The following ATRX variants were observed in gnomAD, a reference collection of about 807,000 sequenced individuals.
The protein encoded by ATRX is chromatin remodeler ATRX.
ATRX carries 12 observed loss-of-function variants against 172.6 expected under a neutral mutation model. The observed-to-expected ratio is 0.07, with a 90% CI of 0.04 to 0.11. The LOEUF (loss-of-function observed/expected upper bound fraction) is 0.11. Ranked by LOEUF, ATRX falls within the 10% of genes least tolerant of loss-of-function variation. The pLI, the probability that ATRX is intolerant of heterozygous loss-of-function variation, is 1.00. For synonymous variants in ATRX, 674 were observed against 594.7 expected, an observed-to-expected ratio of 1.13 and a Z score of -1.94; for missense variants, 1,368 against 1,767.4, an observed-to-expected ratio of 0.77 and a Z score of 4.05.
chrX:77,683,263 TCAAGGGTGTAGTCTTTACACGTGGGGA>T lies in ATRX; in HGVS notation c.1966_1992del (p.Ser656_Leu664del). ...ACAGGGTTAGTTTCTGTCGGTCGCCTCAAGGGTGTAGTCTTTACACGTGGGGATCTTCGAAGATCAGATTCCTCTAAA... is the reference window on the plus strand; with the variant it reads ...ACAGGGTTAGTTTCTGTCGGTCGCCTTCTTCGAAGATCAGATTCCTCTAAA... On this transcript the variant is annotated inframe_deletion, in exon 9 of 35. Transcript: ENST00000373344. The T allele has an allele frequency of 1.7e-6, 2 of 1,211,238 alleles. No homozygotes were observed. Among genetic ancestry groups the T allele is most frequent in the Non-Finnish European group, 2.2e-6 (2 of 895,094 alleles).
At chrX:77,652,761 C>A in intron 14 of ATRX, among the ~76,000 whole-genome samples, 1 of 104,550 alleles carries the variant, frequency 9.6e-6, no homozygotes, top group East Asian at 3.2e-4. Flanking sequence ...GAGCCGAGAT[C>A]GTGCCATCAG....
chrX:77,611,069 A>G (rs1388321028), intron 22 of ATRX, among the ~76,000 whole-genome samples: 1 of 110,783 alleles, frequency 9.0e-6, no homozygotes, highest in African/African-American at 3.3e-5. Flanking sequence ...GCAAGATATT[A>G]AATATTAAAT....
At chrX:77,614,151 AG>A (rs1406503419) in intron 22 of ATRX, among the ~76,000 whole-genome samples, 1 of 112,192 alleles carries the variant, frequency 8.9e-6, no homozygotes, top group African/African-American at 3.2e-5. Flanking sequence ...AGTCTAAAAA[AG>A]CCTAATGTAG....
chrX:77,699,450 G>C (rs1461927903), intron 2 of ATRX: 3 of 111,571 alleles, frequency 2.7e-5, no homozygotes, highest in Non-Finnish European at 5.6e-5. Context: ...TTAAAAAGAT[G>C]ATCAAAGAGG....
chrX:77,730,557 G>A (rs1208769301), intron 1 of ATRX, among the ~76,000 whole-genome samples: 1 of 111,921 alleles, frequency 8.9e-6, no homozygotes, highest in African/African-American at 3.2e-5. Flanking sequence ...TCAGCCCATG[G>A]ATTATTCTCA....
intron 2 of ATRX, among the ~76,000 whole-genome samples, chrX:77,707,903 G>A (rs979919872): frequency 8.9e-6 from 1 of 112,197 alleles, no homozygotes; most frequent in African/African-American, 3.2e-5. Flanking sequence ...CACTAGAATG[G>A]CTAGAATCAA....
chrX:77,663,899 C>G (rs781907170), intron 11 of ATRX, among the ~76,000 whole-genome samples: 9 of 111,026 alleles, frequency 8.1e-5, no homozygotes, highest in African/African-American at 2.9e-4. Context: ...TTCGGGAGTT[C>G]AAGACCAGCC....
At chrX:77,604,648 CAA>C (rs1557089257) in intron 22 of ATRX, among the ~76,000 whole-genome samples, 1 of 111,032 alleles carries the variant, frequency 9.0e-6, no homozygotes, top group African/African-American at 3.3e-5. Context: ...AGGTATCTAC[CAA>C]AAGAGAAAGA....
At chrX:77,635,755 C>T (rs2068318466) in intron 16 of ATRX, among the ~76,000 whole-genome samples, 160 bp downstream of exon 16, 1 of 111,699 alleles carries the variant, frequency 9.0e-6, no homozygotes, top group Non-Finnish European at 1.9e-5. Context: ...TGTTCTTCCT[C>T]ATTTGTTTAT....
intron 10 of ATRX, chrX:77,675,508 A>C (rs1382637038): frequency 9.0e-6 from 1 of 111,495 alleles, no homozygotes; most frequent in Non-Finnish European, 1.9e-5. Context: ...GTTATGTTGA[A>C]ACATTATAGC....
At chrX:77,758,347 G>A (rs956306305) in intron 1 of ATRX, among the ~76,000 whole-genome samples, 6 of 107,963 alleles carry the variant, frequency 5.6e-5, no homozygotes, top group Admixed American at 1.0e-4. Context: ...CCAAGATGAC[G>A]CCATTGCACT....
In ATRX at chrX:77,663,410, T is replaced by C; in HGVS notation, c.4092A>G (p.Lys1364=). The part of the protein sequence containing the change: ...EEKKTKPKEH[K]EVKGRNRRKV... The stretch of plus-strand genomic sequence containing the variant: ...TTCTTCTGTTTCTGCCTTTGACTTC[T>C]TTATGCTCTTTAGGCTTTGTCTTTT... Residue 1364 remains lysine (K), a synonymous_variant, in exon 12 of 35, where the codon AAA becomes AAG. Transcript: ENST00000373344. The C allele has an allele frequency of 8.3e-7, 1 of 1,211,695 alleles. No homozygotes were observed. The highest frequency in any genetic ancestry group is 1.1e-6 in the Non-Finnish European group (1 of 895,434).
intron 15 of ATRX, among the ~76,000 whole-genome samples, chrX:77,649,476 T>C (rs1328531072): frequency 8.9e-6 from 1 of 112,219 alleles, no homozygotes; most frequent in Non-Finnish European, 1.9e-5. Flanking sequence ...AAAGCTACTA[T>C]AACGAGTAAG....
chrX:77,580,223 TAG>T (rs1557073147), intron 27 of ATRX, among the ~76,000 whole-genome samples: 1 of 110,858 alleles, frequency 9.0e-6, no homozygotes, highest in African/African-American at 3.3e-5. Flanking sequence ...AAACAGGAGG[TAG>T]AGAGAAAGAC....
chrX:77,687,057 G>A (rs782800987), intron 7 of ATRX, among the ~76,000 whole-genome samples: 1 of 105,210 alleles, frequency 9.5e-6, no homozygotes, highest in South Asian at 4.4e-4. Flanking sequence ...GAGAGGCTGA[G>A]GCAGGAGAAT....
rs1263473057 is a variant in ATRX, at chrX:77,506,741, G to C, written c.*1610C>G. The stretch of plus-strand genomic sequence containing the variant: ...GGATCCACCAAACCTCACAAATTCT[G>C]TATCACAATCCTAGTGCTCTTGGAT... On this transcript the variant is annotated 3_prime_UTR_variant, in exon 35 of 35. Transcript: ENST00000373344. 1 of 174,845 alleles carries C rather than the reference G, an allele frequency of 5.7e-6. No individual in the cohort carries two copies. The highest frequency in any genetic ancestry group is 2.9e-5 in the African/African-American group (1 of 34,187). 14.4% of individuals were successfully genotyped at this position (174,845 alleles called of 1,213,427 possible).
intron 27 of ATRX, among the ~76,000 whole-genome samples, chrX:77,587,501 A>G (rs1172207910): frequency 8.9e-6 from 1 of 112,291 alleles, no homozygotes; most frequent in Non-Finnish European, 1.9e-5. Context: ...CAAAACTAAC[A>G]TCATACAAAA....
At chrX:77,678,236 G>GAGAC (rs10639778) in intron 9 of ATRX, among the ~76,000 whole-genome samples, 4 of 102,798 alleles carry the variant, frequency 3.9e-5, no homozygotes, top group Non-Finnish European at 7.9e-5. Context: ...AAAAAAAAAA[G>GAGAC]AGACAGACAG....
rs372567525 is a variant in ATRX, at chrX:77,585,265, A to G, written c.6217+4569T>C. Among the ~76,000 whole-genome samples the G allele has an allele frequency of 1.3e-4, 14 of 110,101 alleles. No individual in the cohort carries two copies. The East Asian group carries it at 2.6e-3, about 20-fold the overall frequency. On this transcript the variant is annotated intron_variant, in intron 27 of 34. Transcript: ENST00000373344. ...AGAGGTTCCTCAAAAAATTAAAAATAGAGCTACCATAGAATCCGGCAATCC... is the reference window on the plus strand; with the variant it reads ...AGAGGTTCCTCAAAAAATTAAAAATGGAGCTACCATAGAATCCGGCAATCC...
Sources: gnomAD v4.1 joint callset for allele counts (sites outside exome capture counted in the v4.1 genomes callset) on GRCh38, gnomAD v4.1.1 for gene constraint, MANE v1.5 for transcripts, NCBI Gene and HGNC (gene_info 2026-07-23, HGNC 2026-07-21) for gene names.